Variants in PCYT1B observed in about 807,000 individuals in gnomAD.
PCYT1B encodes choline-phosphate cytidylyltransferase B.
A neutral mutation model predicts 26.4 loss-of-function variants in PCYT1B; 10 were observed. The observed-to-expected ratio is 0.38, with a 90% CI of 0.23 to 0.64. The LOEUF is 0.64. Among genes scored for constraint, PCYT1B ranks in the 30% least tolerant of loss-of-function variants. The pLI is 0.56. For missense variants in PCYT1B, 161 were observed against 292.7 expected, an observed-to-expected ratio of 0.55 and a Z score of 3.28; for synonymous variants, 131 against 108.4, an observed-to-expected ratio of 1.21 and a Z score of -1.29.
At chrX:24,618,249 C>A (rs1367728057) in intron 2 of PCYT1B, among the ~76,000 whole-genome samples, 1 of 112,197 alleles carries the variant, frequency 8.9e-6, no homozygotes, top group African/African-American at 3.2e-5. Context: ...TTAAAAAATG[C>A]ATACTTTTAA....
intron 1 of PCYT1B, among the ~76,000 whole-genome samples, chrX:24,655,881 G>A (rs945033771): frequency 9.4e-6 from 1 of 106,392 alleles, no homozygotes; most frequent in Non-Finnish European, 1.9e-5. Flanking sequence ...TTAGGGGGAG[G>A]CCAAGGCAGG....
intron 3 of PCYT1B, among the ~76,000 whole-genome samples, chrX:24,597,269 C>T (rs1223218495): frequency 6.4e-5 from 7 of 110,229 alleles, no homozygotes; most frequent in African/African-American, 2.3e-4. Flanking sequence ...GGATTACAGG[C>T]GTGTGCCACC....
At chrX:24,596,968 C>G (rs954343590) in intron 3 of PCYT1B, among the ~76,000 whole-genome samples, 2 of 111,286 alleles carry the variant, frequency 1.8e-5, no homozygotes, top group African/African-American at 6.5e-5. Context: ...ACACAGGACA[C>G]CTATTCTTGA....
At chrX:24,563,691 G>A (rs1320414026) in intron 7 of PCYT1B, among the ~76,000 whole-genome samples, 3 of 111,500 alleles carry the variant, frequency 2.7e-5, no homozygotes, top group South Asian at 3.8e-4. Context: ...GAGGCACTGC[G>A]GGAGATCAGG....
intron 7 of PCYT1B, among the ~76,000 whole-genome samples, chrX:24,565,177 C>T (rs1923582588): frequency 9.0e-6 from 1 of 110,832 alleles, no homozygotes; most frequent in African/African-American, 3.3e-5. Context: ...ATCCCACCAA[C>T]TCCTGAGCAT....
intron 2 of PCYT1B, among the ~76,000 whole-genome samples, chrX:24,617,226 A>G (rs1925528841): frequency 9.0e-6 from 1 of 111,393 alleles, no homozygotes; most frequent in African/African-American, 3.3e-5. Flanking sequence ...AAATACTAAA[A>G]CTACTAATCA....
chrX:24,619,904 C>T (rs1345929203), intron 1 of PCYT1B, among the ~76,000 whole-genome samples: 1 of 111,828 alleles, frequency 8.9e-6, no homozygotes, highest in Admixed American at 9.4e-5. Context: ...AAAATGAAAA[C>T]CTCACTCTCT....
In PCYT1B at chrX:24,587,291, G is replaced by A. The variant is rs1174221637; in HGVS notation, c.515C>T (p.Pro172Leu). Residue 172 changes from proline to leucine, a missense_variant, in exon 5 of 8, where the codon CCG (proline) becomes CTG (leucine). Pro to Leu is a moderately conservative substitution (Grantham distance 98, BLOSUM62 -3). Coordinates refer to ENST00000379144, the MANE Select transcript of PCYT1B (RefSeq NM_004845.5). ...ATCATCAGAGCCAGCAGAGGAATAC[G>A]GAATGTCATCATGAGCCACAAAGTC... ...KIDFVAHDDI[P>L]YSSAGSDDVY... 2.5e-6 allele frequency: 3 copies of A among 1,204,042 alleles called. No homozygotes were observed. Among genetic ancestry groups the A allele is most frequent in the East Asian group, 3.0e-5 (1 of 33,797 alleles).
At chrX:24,581,141 C>T (rs982798358) in intron 5 of PCYT1B, among the ~76,000 whole-genome samples, 3 of 112,307 alleles carry the variant, frequency 2.7e-5, no homozygotes, top group Admixed American at 1.9e-4. Flanking sequence ...GCAAGTTCTA[C>T]AGAGCATTCT....
chrX:24,666,911 G>A (rs1451843977), intron 1 of PCYT1B, among the ~76,000 whole-genome samples: 2 of 110,114 alleles, frequency 1.8e-5, no homozygotes, highest in Non-Finnish European at 3.8e-5. Flanking sequence ...GCACTGGGAA[G>A]ACTGGGGAAG....
At chrX:24,668,041 T>A (rs1927162681) in intron 1 of PCYT1B, among the ~76,000 whole-genome samples, 1 of 112,274 alleles carries the variant, frequency 8.9e-6, no homozygotes, top group Admixed American at 9.5e-5. Context: ...CCCAGCAAGC[T>A]GTAAGAAACC....
At chrX:24,637,571 G>A (rs1941015999) in intron 1 of PCYT1B, among the ~76,000 whole-genome samples, 1 of 98,946 alleles carries the variant, frequency 1.0e-5, no homozygotes, top group African/African-American at 4.0e-5. Flanking sequence ...GGCTGAGGCA[G>A]AAGAATCACT....
intron 1 of PCYT1B, chrX:24,621,819 T>C (rs1602187186): frequency 1.4e-6 from 1 of 709,054 alleles, no homozygotes. Context: ...ACTCACAAAG[T>C]TTATTAAAGA....
chrX:24,571,074 T>A (rs183688786), intron 7 of PCYT1B, among the ~76,000 whole-genome samples: 55 of 112,382 alleles, frequency 4.9e-4, no homozygotes, highest in African/African-American at 1.7e-3. Context: ...TCTATATCTA[T>A]ATATTTATCT....
intron 3 of PCYT1B, among the ~76,000 whole-genome samples, chrX:24,598,484 T>TACACAC (rs34181498): frequency 7.9e-5 from 8 of 101,012 alleles, no homozygotes; most frequent in African/African-American, 2.8e-4. Context: ...GATATATATA[T>TACACAC]ACACACACAC....
intron 2 of PCYT1B, among the ~76,000 whole-genome samples, chrX:24,616,110 T>C (rs1430421267): frequency 2.7e-5 from 3 of 110,734 alleles, no homozygotes; most frequent in Non-Finnish European, 5.7e-5. Flanking sequence ...TATATACAGA[T>C]ATATAGTAAG....
chrX:24,587,801 G>A (rs1278698122), intron 4 of PCYT1B, among the ~76,000 whole-genome samples: 3 of 112,401 alleles, frequency 2.7e-5, no homozygotes, highest in African/African-American at 9.7e-5. Context: ...AGGTGGGCAG[G>A]CCACATGTTA....
intron 3 of PCYT1B, among the ~76,000 whole-genome samples, chrX:24,598,881 G>A (rs1055195988): frequency 2.7e-5 from 3 of 112,022 alleles, no homozygotes; most frequent in African/African-American, 9.7e-5. Flanking sequence ...TGCCAATTTG[G>A]TTGGATGGTG....
chrX:24,589,958 G>A (rs1924502000), intron 4 of PCYT1B, 65 bp downstream of exon 4: 2 of 967,369 alleles, frequency 2.1e-6, no homozygotes, highest in South Asian at 4.9e-5. Context: ...GCTTTCCGTA[G>A]TCTTGGCTGC....
Sources: allele counts gnomAD v4.1 joint callset (sites outside exome capture counted in the v4.1 genomes callset), GRCh38; gene constraint gnomAD v4.1.1; transcripts MANE v1.5; gene names NCBI Gene and HGNC (gene_info 2026-07-23, HGNC 2026-07-21).